PLD5: variants seen among roughly 807,000 people sequenced by gnomAD.
The protein encoded by PLD5 is phospholipase D family member 5.
PLD5 carries 36 observed loss-of-function variants against 61.1 expected under a neutral mutation model. That is an observed-to-expected ratio of 0.59 (90% CI 0.45 to 0.78). PLD5 has a LOEUF of 0.78. Ranked by LOEUF, PLD5 falls within the 30% of genes least tolerant of loss-of-function variation. The probability of loss-of-function intolerance (pLI) is 0.00; values close to 1 mark genes in which losing one functional copy is unlikely to be tolerated. For synonymous variants in PLD5, 243 were observed against 242.8 expected, an observed-to-expected ratio of 1.00 and a Z score of -0.01; for missense variants, 515 against 644.4, an observed-to-expected ratio of 0.80 and a Z score of 2.17.
intron 1 of PLD5, among the ~76,000 whole-genome samples, chr1:242,468,062 C>T (rs1055471334): frequency 5.9e-5 from 9 of 152,124 alleles, no homozygotes; most frequent in Non-Finnish European, 1.2e-4. Context: ...AGTTGGAGTG[C>T]CAAGAGTTAT....
intron 1 of PLD5, among the ~76,000 whole-genome samples, chr1:242,523,484 G>C (rs564709683): frequency 5.9e-5 from 9 of 152,128 alleles, no homozygotes; most frequent in Middle Eastern, 3.4e-3. Context: ...TTTCTGGGGA[G>C]CCCGACGATC....
At chr1:242,395,668 A>G (rs1663528283) in intron 1 of PLD5, among the ~76,000 whole-genome samples, 1 of 152,222 alleles carries the variant, frequency 6.6e-6, no homozygotes, top group African/African-American at 2.4e-5. Flanking sequence ...TAATGGAAAC[A>G]TAGAACATAA....
chr1:242,474,273 C>T (rs895682785), intron 1 of PLD5, among the ~76,000 whole-genome samples: 1 of 152,146 alleles, frequency 6.6e-6, no homozygotes. Flanking sequence ...CCCACAGACC[C>T]ATAACGTCAG....
chr1:242,086,589 G>A lies in PLD5; in HGVS notation c.*3265C>T, dbSNP rs1659490250. The A allele has an allele frequency of 6.6e-6, 1 of 152,168 alleles. No homozygotes were observed. Among genetic ancestry groups the A allele is most frequent in the African/African-American group, 2.4e-5 (1 of 41,420 alleles). 9.4% of individuals were successfully genotyped at this position (152,168 alleles called of 1,614,324 possible). On this transcript the variant is annotated 3_prime_UTR_variant, in exon 10 of 10. Transcript: ENST00000536534. ...TGTGCAATGATTTGATTTGGCGGGG[G>A]GGTGGATAAAGGTGATGGGGCTTGG...
At chr1:242,139,316 T>C (rs1205545694) in intron 5 of PLD5, among the ~76,000 whole-genome samples, 4 of 152,202 alleles carry the variant, frequency 2.6e-5, no homozygotes, top group Non-Finnish European at 5.9e-5. Flanking sequence ...TGTTTCATTC[T>C]TGAGAAATGC....
chr1:242,385,177 A>C (rs911384370), intron 1 of PLD5, among the ~76,000 whole-genome samples: 1 of 152,222 alleles, frequency 6.6e-6, no homozygotes, highest in Non-Finnish European at 1.5e-5. Context: ...TCCAGTGATA[A>C]TCAAAAAACA....
intron 5 of PLD5, among the ~76,000 whole-genome samples, chr1:242,158,722 A>G (rs991760327): frequency 6.6e-6 from 1 of 152,022 alleles, no homozygotes; most frequent in African/African-American, 2.4e-5. Context: ...TTCTGTGTCA[A>G]TCTCACTGGG....
chr1:242,519,934 TGAG>T (rs1453803286), intron 1 of PLD5, among the ~76,000 whole-genome samples: 5 of 152,166 alleles, frequency 3.3e-5, no homozygotes, highest in African/African-American at 9.7e-5. Context: ...AGGCAGCACA[TGAG>T]AAGTCATATA....
chr1:242,196,219 AC>A (rs1350801837), intron 5 of PLD5, among the ~76,000 whole-genome samples: 1 of 152,222 alleles, frequency 6.6e-6, no homozygotes, highest in East Asian at 1.9e-4. Context: ...ATTTTCATTA[AC>A]AAAACTGAAA....
chr1:242,300,453 AG>A, intron 2 of PLD5, among the ~76,000 whole-genome samples: 1 of 848 alleles, frequency 1.2e-3, no homozygotes, highest in Non-Finnish European at 9.6e-3. Flanking sequence ...AGGAGGAAGA[AG>A]AAAGAAAGAA....
chr1:242,327,100 C>T (rs1165751630), intron 2 of PLD5, among the ~76,000 whole-genome samples: 3 of 151,892 alleles, frequency 2.0e-5, no homozygotes, highest in African/African-American at 4.8e-5. Context: ...CTCCTGACCT[C>T]GTGATCCACC....
Position 242,456,508 on chromosome 1 carries a change from A to C in PLD5, c.189+67580T>G, listed in dbSNP as rs1420379455. Among the ~76,000 whole-genome samples the C allele has an allele frequency of 6.6e-5, 10 of 152,348 alleles. No individual in the cohort carries two copies. The East Asian group carries it at 1.7e-3, about 26-fold the overall frequency. On this transcript the variant is annotated intron_variant, in intron 1 of 9. Coordinates refer to ENST00000536534, the MANE Select transcript of PLD5 (RefSeq NM_001372062.1). ...AAGAAAATAAAATCTGTTTAGATTT[A>C]AAGTGACTGAAACACCTGCAGGCTG... is the stretch of plus-strand genomic sequence containing the variant.
intron 5 of PLD5, among the ~76,000 whole-genome samples, chr1:242,170,169 C>G (rs780306482): frequency 1.3e-5 from 2 of 152,158 alleles, no homozygotes; most frequent in African/African-American, 4.8e-5. Flanking sequence ...CAACAGACAC[C>G]TCATGCATTA....
chr1:242,396,814 G>A (rs1219405798), intron 1 of PLD5, among the ~76,000 whole-genome samples: 1 of 151,722 alleles, frequency 6.6e-6, no homozygotes, highest in East Asian at 1.9e-4. Context: ...CTAGTTGCTG[G>A]GACTACAGAT....
At chr1:242,401,080 C>T (rs982233569) in intron 1 of PLD5, among the ~76,000 whole-genome samples, 1 of 152,132 alleles carries the variant, frequency 6.6e-6, no homozygotes, top group African/African-American at 2.4e-5. Context: ...TGAGACTTCC[C>T]CAAATTCTGT....
At chr1:242,157,686 T>C (rs1246954339) in intron 5 of PLD5, among the ~76,000 whole-genome samples, 1 of 152,222 alleles carries the variant, frequency 6.6e-6, no homozygotes, top group African/African-American at 2.4e-5. Context: ...CAAAGATTGC[T>C]GCCTGTTCTT....
chr1:242,293,464 C>A (rs1675484904), intron 2 of PLD5, among the ~76,000 whole-genome samples: 1 of 152,082 alleles, frequency 6.6e-6, no homozygotes, highest in Non-Finnish European at 1.5e-5. Flanking sequence ...TATAAGCATT[C>A]TGTTTTATTG....
intron 5 of PLD5, among the ~76,000 whole-genome samples, chr1:242,187,937 A>G (rs1471439827): frequency 1.3e-5 from 2 of 152,230 alleles, no homozygotes; most frequent in Non-Finnish European, 2.9e-5. Flanking sequence ...AGAGCTTTGA[A>G]TGTCACGCTG....
intron 2 of PLD5, among the ~76,000 whole-genome samples, chr1:242,303,135 G>A (rs1341503322): frequency 6.6e-6 from 1 of 152,214 alleles, no homozygotes; most frequent in Non-Finnish European, 1.5e-5. Flanking sequence ...GGGAGGCATT[G>A]TTCATTAGCT....
Sources: allele counts gnomAD v4.1 joint callset (sites outside exome capture counted in the v4.1 genomes callset), GRCh38; gene constraint gnomAD v4.1.1; transcripts MANE v1.5; gene names NCBI Gene and HGNC (gene_info 2026-07-23, HGNC 2026-07-21).